CCDC7: variants seen among roughly 807,000 people sequenced by gnomAD.
CCDC7 encodes coiled-coil domain containing 7.
In CCDC7, 183 loss-of-function variants were observed where a neutral mutation model predicts 196.9. The observed-to-expected ratio is 0.93, with a 90% CI of 0.82 to 1.05. CCDC7 has a LOEUF of 1.05. CCDC7 is among the 50% of genes least tolerant of loss of function. The pLI is 0.00. For missense variants in CCDC7, 1,540 were observed against 1,482.2 expected, an observed-to-expected ratio of 1.04 and a Z score of -0.64; for synonymous variants, 525 against 484.6, an observed-to-expected ratio of 1.08 and a Z score of -1.10.
At chr10:32,776,128 T>G in intron 28 of CCDC7, among the ~76,000 whole-genome samples, 6 of 144,478 alleles carry the variant, frequency 4.2e-5, no homozygotes, top group African/African-American at 1.3e-4. Context: ...CTGGGGACTG[T>G]GGTGGGGTGG....
At chr10:32,674,659 C>T (rs1334377471) in intron 21 of CCDC7, among the ~76,000 whole-genome samples, 1 of 151,868 alleles carries the variant, frequency 6.6e-6, no homozygotes, top group African/African-American at 2.4e-5. Flanking sequence ...GATGATCTAT[C>T]CATTTTTGAA....
upstream of CCDC7, among the ~76,000 whole-genome samples, chr10:32,445,459 TC>T (rs1433164443): frequency 2.6e-5 from 4 of 152,200 alleles, no homozygotes; most frequent in African/African-American, 9.6e-5. Context: ...TAGTTTTAGT[TC>T]CATCTTTCCT....
chr10:32,679,061 C>T (rs1170741691), intron 21 of CCDC7, among the ~76,000 whole-genome samples: 1 of 151,956 alleles, frequency 6.6e-6, no homozygotes, highest in Non-Finnish European at 1.5e-5. Context: ...GCATATGTTT[C>T]ATAGAAATTT....
intron 31 of CCDC7, among the ~76,000 whole-genome samples, chr10:32,818,438 A>G (rs1157893634): frequency 6.6e-6 from 1 of 152,142 alleles, no homozygotes; most frequent in Non-Finnish European, 1.5e-5. Context: ...ACGAGACAGA[A>G]AGTTAACAAG....
chr10:32,623,927 T>C, intron 18 of CCDC7: 1 of 350,560 alleles, frequency 2.9e-6, no homozygotes, highest in South Asian at 2.2e-5. Context: ...GGTGCTAAAC[T>C]GTTCATGAGG....
chr10:32,711,485 T>G lies in CCDC7; in HGVS notation c.2459-135T>G. On this transcript the variant is annotated intron_variant, in intron 24 of 41. Coordinates refer to ENST00000639629, the Ensembl canonical transcript of CCDC7. ...TTTCTCACCATTTTCATGTCAGAGC[T>G]AGCATTAAGGTAGTTTACTTATAAC... 1.7e-5 allele frequency: 9 copies of G among 542,368 alleles called. No homozygotes were observed. In the South Asian group the frequency reaches 2.2e-4, roughly 13 times the overall value. The allele number at this position is 542,368 out of a possible 1,614,324, so 33.6% of individuals were successfully genotyped here. A position where few individuals can be genotyped will look rare whatever the true frequency, so the allele number is the denominator to read the frequency against.
At chr10:32,701,324 G>C (rs1181281032) in intron 24 of CCDC7, among the ~76,000 whole-genome samples, 1 of 148,104 alleles carries the variant, frequency 6.8e-6, no homozygotes, top group South Asian at 2.1e-4. Context: ...CATGTGGTTT[G>C]ATTTGCGTAT....
chr10:32,651,609 G>A (rs922264709), intron 20 of CCDC7, among the ~76,000 whole-genome samples: 4 of 152,174 alleles, frequency 2.6e-5, no homozygotes, highest in African/African-American at 9.7e-5. Context: ...TACAGACTAA[G>A]AGTATTTAAG....
chr10:32,653,018 G>A (rs2069065339), intron 20 of CCDC7, among the ~76,000 whole-genome samples: 1 of 152,130 alleles, frequency 6.6e-6, no homozygotes, highest in Admixed American at 6.5e-5. Flanking sequence ...CCTTTTGTTT[G>A]TCTAGGAAAG....
chr10:32,840,566 T>C (rs1333139241), intron 33 of CCDC7, among the ~76,000 whole-genome samples: 2 of 151,830 alleles, frequency 1.3e-5, no homozygotes, highest in Non-Finnish European at 2.9e-5. Flanking sequence ...GGCTGTACTA[T>C]CTGACATTCA....
chr10:32,704,500 A>T (rs991058988), intron 24 of CCDC7, among the ~76,000 whole-genome samples: 2 of 151,968 alleles, frequency 1.3e-5, no homozygotes, highest in Non-Finnish European at 2.9e-5. Context: ...CAGATCTCAA[A>T]CTCCATGCTG....
intron 29 of CCDC7, among the ~76,000 whole-genome samples, chr10:32,782,662 A>G (rs1038521444): frequency 4.6e-5 from 7 of 152,266 alleles, no homozygotes; most frequent in African/African-American, 1.4e-4. Flanking sequence ...CTTAAAAATC[A>G]TAGGAATACA....
At chr10:32,467,627 A>G (rs1226369185) in intron 5 of CCDC7, among the ~76,000 whole-genome samples, 1 of 152,106 alleles carries the variant, frequency 6.6e-6, no homozygotes, top group East Asian at 1.9e-4. Context: ...TTTTGTTGCA[A>G]TTGCTTTTGG....
chr10:32,464,496 G>T (rs1225431374), intron 5 of CCDC7, among the ~76,000 whole-genome samples: 1 of 151,328 alleles, frequency 6.6e-6, no homozygotes, highest in Non-Finnish European at 1.5e-5. Flanking sequence ...TCAAGACTTT[G>T]TGTTTGTTTG....
intron 3 of CCDC7, among the ~76,000 whole-genome samples, chr10:32,457,061 C>T (rs2034516331): frequency 6.6e-6 from 1 of 151,286 alleles, no homozygotes; most frequent in Admixed American, 6.6e-5. Context: ...CTGTGGTCAC[C>T]CTATAGTGCT....
intron 32 of CCDC7, among the ~76,000 whole-genome samples, chr10:32,828,194 C>T (rs2091432599): frequency 6.6e-6 from 1 of 152,040 alleles, no homozygotes; most frequent in African/African-American, 2.4e-5. Context: ...GATGCCCTGC[C>T]TTTTTTTATC....
chr10:32,706,553 CA>C (rs2079794079), intron 24 of CCDC7, among the ~76,000 whole-genome samples: 1 of 151,854 alleles, frequency 6.6e-6, no homozygotes, highest in African/African-American at 2.4e-5. Flanking sequence ...AAACAGTCAA[CA>C]GAATAGATAG....
At chr10:32,816,546 G>A (rs534124248) in intron 31 of CCDC7, among the ~76,000 whole-genome samples, 1 of 152,310 alleles carries the variant, frequency 6.6e-6, no homozygotes, top group East Asian at 1.9e-4. Context: ...TCCTCAAGTG[G>A]GTTCCTGACC....
At chr10:32,509,070 A>G (rs965827122) in intron 9 of CCDC7, among the ~76,000 whole-genome samples, 2 of 151,788 alleles carry the variant, frequency 1.3e-5, no homozygotes, top group Non-Finnish European at 2.9e-5. Flanking sequence ...GAGTAGCCTC[A>G]GATGATCCAC....
Sources: gnomAD v4.1 joint callset for allele counts (sites outside exome capture counted in the v4.1 genomes callset) on GRCh38, gnomAD v4.1.1 for gene constraint, MANE v1.5 for transcripts, NCBI Gene and HGNC (gene_info 2026-07-23, HGNC 2026-07-21) for gene names.